Variants in CYP4Z1 observed in about 807,000 individuals in gnomAD.
The protein encoded by CYP4Z1 is cytochrome P450 family 4 subfamily Z member 1.
A neutral mutation model predicts 54.2 loss-of-function variants in CYP4Z1; 41 were observed. The observed-to-expected ratio is 0.76, with a 90% CI of 0.59 to 0.98. The LOEUF is 0.98. Among genes scored for constraint, CYP4Z1 ranks in the 50% least tolerant of loss-of-function variants. The pLI is 0.00. For missense variants in CYP4Z1, 513 were observed against 599.0 expected (o/e 0.86, Z 1.50); for synonymous variants, 163 against 206.2 (o/e 0.79, Z 1.79).
chr1:47,116,223 C>T (rs1644828899), intron 10 of CYP4Z1, among the ~76,000 whole-genome samples: 1 of 152,138 alleles, frequency 6.6e-6, no homozygotes, highest in Non-Finnish European at 1.5e-5. Context: ...TGAATTGCCA[C>T]CCCTTTTTTC....
chr1:47,076,602 T>A, intron 2 of CYP4Z1, among the ~76,000 whole-genome samples: 1 of 151,922 alleles, frequency 6.6e-6, no homozygotes, highest in East Asian at 1.9e-4. Context: ...TCCCAGCACT[T>A]TGGGAGGCCG....
At chr1:47,104,045 CATTGGTAT>C (rs1644739735) in intron 8 of CYP4Z1, among the ~76,000 whole-genome samples, 1 of 152,170 alleles carries the variant, frequency 6.6e-6, no homozygotes, top group Admixed American at 6.5e-5. Context: ...TGTGTTCTTA[CATTGGTAT>C]TTGTGCATCT....
Position 47,085,857 on chromosome 1 carries a change from C to T in CYP4Z1, c.772+879C>T, listed in dbSNP as rs572168430. On this transcript the variant is annotated intron_variant, in intron 6 of 11. Transcript: ENST00000334194. ...ATCCCACCCCCCTCCCCCCACCCCACAACAGGCCCCAGTGTGTGATGTTCC... is the reference window on the plus strand; with the variant it reads ...ATCCCACCCCCCTCCCCCCACCCCATAACAGGCCCCAGTGTGTGATGTTCC... 3.0e-4 allele frequency among the ~76,000 whole-genome samples: 35 copies of T among 117,762 alleles called. No individual in the cohort carries two copies. In the South Asian group the frequency reaches 0.011, roughly 38 times the overall value. The allele number at this position is 117,762 out of a possible 152,430, so 77.3% of individuals were successfully genotyped here.
chr1:47,086,552 TC>T (rs1225176060), intron 6 of CYP4Z1, among the ~76,000 whole-genome samples: 1 of 152,242 alleles, frequency 6.6e-6, no homozygotes, highest in African/African-American at 2.4e-5. Flanking sequence ...TTTGTTTTTT[TC>T]TTGTAAATTT....
At chr1:47,090,135 T>C (rs1644628738) in intron 6 of CYP4Z1, among the ~76,000 whole-genome samples, 2 of 152,252 alleles carry the variant, frequency 1.3e-5, no homozygotes, top group African/African-American at 4.8e-5. Context: ...AATCTTCTTC[T>C]TTATAACCTT....
intron 7 of CYP4Z1, among the ~76,000 whole-genome samples, chr1:47,098,825 C>T (rs1644699059): frequency 6.6e-6 from 1 of 152,022 alleles, no homozygotes. Context: ...AGTTTATTCC[C>T]TTAAGTAAAA....
intron 6 of CYP4Z1, among the ~76,000 whole-genome samples, chr1:47,087,550 C>G (rs929695478): frequency 2.6e-5 from 4 of 152,110 alleles, no homozygotes; most frequent in African/African-American, 9.7e-5. Context: ...ATTTTGTATC[C>G]TGAGACTTTG....
At chr1:47,062,460 C>T (rs1349959197), upstream of CYP4Z1, among the ~76,000 whole-genome samples, 2 of 152,158 alleles carry the variant, frequency 1.3e-5, no homozygotes, top group African/African-American at 4.8e-5. Flanking sequence ...GCCCTGGTCA[C>T]TGGCTGCCTG....
intron 9 of CYP4Z1, among the ~76,000 whole-genome samples, chr1:47,114,447 G>T (rs1644815209): frequency 6.6e-6 from 1 of 152,126 alleles, no homozygotes; most frequent in Non-Finnish European, 1.5e-5. Flanking sequence ...TGACAAATGG[G>T]ATCTTATTAA....
chr1:47,113,781 C>G (rs1254941442), intron 9 of CYP4Z1, among the ~76,000 whole-genome samples: 4 of 152,038 alleles, frequency 2.6e-5, no homozygotes, highest in African/African-American at 9.7e-5. Context: ...AACCGCTGCT[C>G]AATGAAATAA....
At chr1:47,087,623 A>G (rs1227587245) in intron 6 of CYP4Z1, among the ~76,000 whole-genome samples, 1 of 152,206 alleles carries the variant, frequency 6.6e-6, no homozygotes, top group African/African-American at 2.4e-5. Context: ...CTAAATATAC[A>G]ATAACGTCAT....
intron 7 of CYP4Z1, among the ~76,000 whole-genome samples, chr1:47,096,133 T>C (rs1236254243): frequency 6.6e-6 from 1 of 152,110 alleles, no homozygotes; most frequent in Non-Finnish European, 1.5e-5. Flanking sequence ...AAAATTTAAT[T>C]TTCTGCTGAG....
At chr1:47,076,407 T>G (rs973600644) in intron 2 of CYP4Z1, among the ~76,000 whole-genome samples, 2 of 150,906 alleles carry the variant, frequency 1.3e-5, no homozygotes, top group African/African-American at 4.9e-5. Flanking sequence ...TATTTTTTAA[T>G]GAAGACATTT....
upstream of CYP4Z1, among the ~76,000 whole-genome samples, chr1:47,062,530 C>A (rs1322438897): frequency 1.3e-5 from 2 of 152,130 alleles, no homozygotes; most frequent in African/African-American, 4.8e-5. Flanking sequence ...CTTTAGGTCT[C>A]CAGGCTGTGT....
intron 3 of CYP4Z1, 115 bp from the exon 4 acceptor site, chr1:47,082,219 C>G: frequency 7.6e-7 from 1 of 1,308,922 alleles, no homozygotes; most frequent in Non-Finnish European, 1.0e-6. Context: ...TTTCAAAGCT[C>G]TGTCCACTCT....
intron 2 of CYP4Z1, among the ~76,000 whole-genome samples, chr1:47,079,299 G>T (rs1644547110): frequency 6.6e-6 from 1 of 152,074 alleles, no homozygotes; most frequent in Non-Finnish European, 1.5e-5. Flanking sequence ...TTTTTCAGTG[G>T]TCTTTTTTCT....
At chr1:47,085,675 C>CT (rs1160531661) in intron 6 of CYP4Z1, among the ~76,000 whole-genome samples, 2 of 151,378 alleles carry the variant, frequency 1.3e-5, no homozygotes, top group Non-Finnish European at 2.9e-5. Flanking sequence ...CGGTTTATGT[C>CT]TTTTTTTCTT....
At chr1:47,103,586 C>CTT (rs1187392124) in intron 8 of CYP4Z1, among the ~76,000 whole-genome samples, 4 of 119,826 alleles carry the variant, frequency 3.3e-5, no homozygotes, top group South Asian at 3.1e-4. Flanking sequence ...TTTTTTTTTT[C>CTT]TTTTTTTTCT....
rs765174674 is a variant in CYP4Z1, at chr1:47,117,925, A to T, written c.1509A>T (p.Lys503Asn). The T allele has an allele frequency of 6.2e-7, 1 of 1,612,812 alleles. No homozygotes were observed. ...ATGGAATCCATGTGTTTGCAAAAAAAGTTTGCTAATTTTAAGTCCTTTCGT... is the reference window on the plus strand; with the variant it reads ...ATGGAATCCATGTGTTTGCAAAAAATGTTTGCTAATTTTAAGTCCTTTCGT... ...SKNGIHVFAK[K>N]VC The change falls in exon 12 of 12, where the codon AAA becomes AAT. Residue 503 changes from lysine to asparagine, a missense_variant. By Grantham distance (94) the Lys-to-Asn change is moderately conservative. Coordinates refer to ENST00000334194, the MANE Select transcript of CYP4Z1 (RefSeq NM_178134.3).
Sources: gnomAD v4.1 joint callset for allele counts (sites outside exome capture counted in the v4.1 genomes callset) on GRCh38, gnomAD v4.1.1 for gene constraint, MANE v1.5 for transcripts, NCBI Gene and HGNC (gene_info 2026-07-23, HGNC 2026-07-21) for gene names.